The following PCDH15 variants were observed in gnomAD, a reference collection of about 807,000 sequenced individuals.
PCDH15 encodes the protein protocadherin-15.
PCDH15 carries 129 observed loss-of-function variants against 178.5 expected under a neutral mutation model. That is an observed-to-expected ratio of 0.72 (90% CI 0.63 to 0.84). The LOEUF (loss-of-function observed/expected upper bound fraction) is 0.84. Ranked by LOEUF, PCDH15 falls within the 40% of genes least tolerant of loss-of-function variation. The pLI is 0.00. For synonymous variants in PCDH15, 800 were observed against 732.0 expected, an observed-to-expected ratio of 1.09 and a Z score of -1.50; for missense variants, 2,230 against 2,099.9, an observed-to-expected ratio of 1.06 and a Z score of -1.21.
intron 2 of PCDH15, among the ~76,000 whole-genome samples, chr10:55,164,508 C>T (rs570933035): frequency 6.6e-6 from 1 of 150,944 alleles, no homozygotes; most frequent in Non-Finnish European, 1.5e-5. Context: ...TTAAGTAATA[C>T]AATTGGAGTA....
intron 2 of PCDH15, among the ~76,000 whole-genome samples, chr10:55,415,060 G>A (rs1230276688): frequency 6.6e-6 from 1 of 151,466 alleles, no homozygotes; most frequent in Non-Finnish European, 1.5e-5. Flanking sequence ...GTTTATAAAT[G>A]GCCTTTATTA....
intron 3 of PCDH15, among the ~76,000 whole-genome samples, chr10:54,489,361 C>T (rs10825338): frequency 0.091 from 13,880 of 152,056 alleles, 872 homozygotes; most frequent in East Asian, 0.28. Flanking sequence ...ATACTATCTT[C>T]GTGATATCTC....
chr10:55,345,714 T>C (rs1021602713), intron 2 of PCDH15, among the ~76,000 whole-genome samples: 1 of 152,134 alleles, frequency 6.6e-6, no homozygotes, highest in African/African-American at 2.4e-5. Flanking sequence ...CTTCATGTTT[T>C]GTATAACAAC....
At chr10:54,038,076 G>A (rs1006682893) in intron 18 of PCDH15, among the ~76,000 whole-genome samples, 2 of 152,010 alleles carry the variant, frequency 1.3e-5, no homozygotes, top group South Asian at 4.1e-4. Context: ...AAAAGAGGCT[G>A]TATTTGCTAT....
At chr10:54,586,054 T>C (rs2091441024) in intron 2 of PCDH15, among the ~76,000 whole-genome samples, 2 of 152,158 alleles carry the variant, frequency 1.3e-5, no homozygotes, top group Admixed American at 1.3e-4. Context: ...TATTTTCCTT[T>C]AAGATTAATT....
intron 1 of PCDH15, among the ~76,000 whole-genome samples, chr10:54,695,871 G>GA (rs377722825): frequency 3.0e-4 from 44 of 148,864 alleles, no homozygotes; most frequent in South Asian, 1.1e-3. Flanking sequence ...AGCCCCAATG[G>GA]AAAAAAAAAG....
intron 3 of PCDH15, among the ~76,000 whole-genome samples, chr10:54,808,841 T>C (rs557483203): frequency 2.6e-5 from 4 of 152,064 alleles, no homozygotes; most frequent in South Asian, 2.1e-4. Flanking sequence ...GGTAGAAATA[T>C]AGAAGCAGGG....
chr10:54,035,329 T>C (rs1590042212), intron 18 of PCDH15, among the ~76,000 whole-genome samples: 1 of 151,922 alleles, frequency 6.6e-6, no homozygotes, highest in Non-Finnish European at 1.5e-5. Flanking sequence ...GCAAATATAT[T>C]GGCACCATTT....
At chr10:54,284,515 A>G (rs2058914096) in intron 8 of PCDH15, among the ~76,000 whole-genome samples, 1 of 152,224 alleles carries the variant, frequency 6.6e-6, no homozygotes, top group Non-Finnish European at 1.5e-5. Context: ...TATCTGAGGA[A>G]TTCGTTAGTC....
intron 2 of PCDH15, among the ~76,000 whole-genome samples, chr10:55,412,313 T>G (rs1188460389): frequency 1.3e-5 from 2 of 152,022 alleles, no homozygotes; most frequent in South Asian, 4.1e-4. Context: ...ATTTTTCCTT[T>G]TTAAAAAAAC....
At chr10:54,999,184 T>G (rs1419211307) in intron 2 of PCDH15, among the ~76,000 whole-genome samples, 1 of 152,188 alleles carries the variant, frequency 6.6e-6, no homozygotes, top group African/African-American at 2.4e-5. Flanking sequence ...CTAAGTTACC[T>G]TTGTCAAGCC....
chr10:54,526,986 G>A (rs933065346), intron 3 of PCDH15, among the ~76,000 whole-genome samples: 4 of 152,084 alleles, frequency 2.6e-5, no homozygotes, highest in African/African-American at 7.2e-5. Flanking sequence ...GAAAGTGCAA[G>A]CACATACTTT....
intron 33 of PCDH15, 95 bp from the exon 34 acceptor site, chr10:53,818,108 A>G (rs1464588656): frequency 2.5e-6 from 1 of 395,296 alleles, no homozygotes; most frequent in Admixed American, 4.4e-5. Flanking sequence ...AAAATGTCTG[A>G]GTAAAACTGA....
chr10:54,687,357 T>C (rs1043338952), intron 1 of PCDH15, among the ~76,000 whole-genome samples: 2 of 152,124 alleles, frequency 1.3e-5, no homozygotes, highest in Admixed American at 6.6e-5. Flanking sequence ...CATATACTAG[T>C]ACTCTTATGC....
At chr10:55,386,219 A>T (rs1189424004) in intron 2 of PCDH15, among the ~76,000 whole-genome samples, 1 of 152,156 alleles carries the variant, frequency 6.6e-6, no homozygotes, top group African/African-American at 2.4e-5. Context: ...ACATAAAAAC[A>T]GTCTCTGCCA....
At chr10:54,720,021 G>T (rs1772315888) in intron 1 of PCDH15, among the ~76,000 whole-genome samples, 1 of 151,938 alleles carries the variant, frequency 6.6e-6, no homozygotes, top group African/African-American at 2.4e-5. Context: ...TCAGAGTGAT[G>T]ATTATTAACA....
At chr10:54,191,251 T>C (rs746471307) in intron 11 of PCDH15, among the ~76,000 whole-genome samples, 22 of 152,264 alleles carry the variant, frequency 1.4e-4, no homozygotes, top group Non-Finnish European at 2.8e-4. Flanking sequence ...AAAGACATTA[T>C]TTTCAAGTTG....
chr10:54,796,679 G>A (rs1361380143), intron 1 of PCDH15, among the ~76,000 whole-genome samples: 1 of 151,316 alleles, frequency 6.6e-6, no homozygotes, highest in Non-Finnish European at 1.5e-5. Context: ...CTTTTATTAT[G>A]TTTTTCCCTG....
At position 54,346,502 on chromosome 10, in the gene PCDH15, T is replaced by A. The variant is rs554741360; in HGVS notation, c.475-18A>T. On this transcript the variant is annotated intron_variant, in intron 5 of 37. Coordinates refer to ENST00000644397, the MANE Select transcript of PCDH15 (RefSeq NM_001384140.1). ...GGAGTGAGCTGAAAGGAAAAAAGAT[T>A]TTAAATATCAATTTTCATTTTATCA... The A allele has an allele frequency of 1.4e-4, 225 of 1,612,542 alleles. 4 individuals are homozygous for A. The South Asian group carries it at 2.4e-3, about 17-fold the overall frequency.
Sources: gnomAD v4.1 joint callset for allele counts (sites outside exome capture counted in the v4.1 genomes callset) on GRCh38, gnomAD v4.1.1 for gene constraint, MANE v1.5 for transcripts, NCBI Gene and HGNC (gene_info 2026-07-23, HGNC 2026-07-21) for gene names.